EPS15L1: variants seen among roughly 807,000 people sequenced by gnomAD.
EPS15L1 encodes the protein epidermal growth factor receptor substrate 15-like 1.
EPS15L1 carries 43 observed loss-of-function variants against 117.1 expected under a neutral mutation model. The ratio of observed to expected loss-of-function variants is 0.37; its 90% CI spans 0.29 to 0.47. The LOEUF (loss-of-function observed/expected upper bound fraction) is 0.47, where lower values mean the gene tolerates loss of function less well. Ranked by LOEUF, EPS15L1 falls within the 20% of genes least tolerant of loss-of-function variation. EPS15L1 has a pLI of 0.99. For missense variants in EPS15L1, 981 were observed against 1,164.0 expected (o/e 0.84, Z 2.29); for synonymous variants, 459 against 470.5 (o/e 0.98, Z 0.32).
In EPS15L1 at chr19:16,421,420, G is replaced by A. The variant is rs764613797; in HGVS notation, c.849C>T (p.Phe283=). The change falls in exon 10 of 24, where the codon TTC becomes TTT. Residue 283 remains phenylalanine (F), a synonymous_variant. Coordinates refer to ENST00000455140, the MANE Select transcript of EPS15L1 (RefSeq NM_001258374.3). ...VADKMRFDEI[F]LKTDLDLDGY... ...CATCCAGGTCCAGGTCGGTCTTCAG[G>A]AATATCTCATCAAATCGCATCTTGT... 11 of 1,614,100 alleles carry A rather than the reference G, an allele frequency of 6.8e-6. No individual in the cohort carries two copies. In the East Asian group the frequency reaches 2.5e-4, roughly 36 times the overall value.
intron 22 of EPS15L1, among the ~76,000 whole-genome samples, chr19:16,369,725 T>C (rs966596503): frequency 1.5e-5 from 2 of 132,562 alleles, no homozygotes; most frequent in South Asian, 4.6e-4. Context: ...GGGTATGTGA[T>C]TTGGAAATGA....
At chr19:16,444,838 T>C (rs2145094465) in intron 1 of EPS15L1, among the ~76,000 whole-genome samples, 1 of 151,618 alleles carries the variant, frequency 6.6e-6, no homozygotes. Flanking sequence ...GCCATTCTCC[T>C]ACCTCAGCCT....
Position 16,404,137 on chromosome 19 carries a change from CTG to C in EPS15L1, c.1429-209_1429-208del, listed in dbSNP as rs528256806. ...TGAAAAGGCAGATGGGCTCATCCCA[CTG>C]TGGCTAACGGAAGATCACTTTGGAA... On this transcript the variant is annotated intron_variant, in intron 14 of 23. Coordinates refer to ENST00000455140, the MANE Select transcript of EPS15L1 (RefSeq NM_001258374.3). This position sits in a 1 kb window ranked among gnomAD's most constrained non-coding sequence, Gnocchi z 4.2. 3.6e-4 allele frequency among the ~76,000 whole-genome samples: 55 copies of C among 152,304 alleles called. No homozygotes were observed. In the South Asian group the frequency reaches 3.9e-3, roughly 11 times the overall value.
chr19:16,429,774 G>A (rs533181244), intron 7 of EPS15L1, among the ~76,000 whole-genome samples: 5 of 152,218 alleles, frequency 3.3e-5, no homozygotes, highest in Non-Finnish European at 4.4e-5. Flanking sequence ...CAGACTCCAC[G>A]GGGACCTCCA....
intron 9 of EPS15L1, among the ~76,000 whole-genome samples, chr19:16,424,539 G>T (rs925936274): frequency 6.6e-6 from 1 of 151,924 alleles, no homozygotes; most frequent in Non-Finnish European, 1.5e-5. Flanking sequence ...GGCTGGGCAC[G>T]GTGGCTCACA....
intron 7 of EPS15L1, among the ~76,000 whole-genome samples, chr19:16,431,248 AC>A (rs1179812775): frequency 6.6e-6 from 1 of 150,408 alleles, no homozygotes; most frequent in African/African-American, 2.4e-5. Flanking sequence ...AAAAAAAAAA[AC>A]TTTTTTTTAA....
Position 16,433,121 on chromosome 19 carries a change from T to G in EPS15L1, c.498+1244A>C, listed in dbSNP as rs187552327. 8.5e-4 allele frequency among the ~76,000 whole-genome samples: 127 copies of G among 149,850 alleles called. 1 individual carries two copies. The highest frequency in any genetic ancestry group is 2.5e-3 in the African/African-American group (103 of 40,646). Reference sequence around the variant, plus strand: ...CCGCCACACCAGCCTAAATTGAGGGTTTTTTTTGTTTTTGTTTTTGTTTTG... The same window carrying G: ...CCGCCACACCAGCCTAAATTGAGGGGTTTTTTTGTTTTTGTTTTTGTTTTG... On this transcript the variant is annotated intron_variant, in intron 7 of 23. Coordinates refer to ENST00000455140, the MANE Select transcript of EPS15L1 (RefSeq NM_001258374.3).
chr19:16,417,895 C>T, intron 11 of EPS15L1, 53 bp downstream of exon 11: 1 of 1,571,798 alleles, frequency 6.4e-7, no homozygotes. Flanking sequence ...CACCTGGTGG[C>T]AGGCGGTGGG....
intron 12 of EPS15L1, among the ~76,000 whole-genome samples, chr19:16,415,806 C>A (rs924384651): frequency 6.6e-6 from 1 of 152,218 alleles, no homozygotes; most frequent in African/African-American, 2.4e-5. Context: ...CTTCCTAGAC[C>A]CTGACCCTTG....
chr19:16,393,881 C>T (rs1426805760), intron 18 of EPS15L1, 70 bp downstream of exon 18: 2 of 1,490,086 alleles, frequency 1.3e-6, no homozygotes, highest in African/African-American at 1.4e-5. Flanking sequence ...ACACAAGTCC[C>T]ACCACATGCG....
intron 12 of EPS15L1, among the ~76,000 whole-genome samples, chr19:16,414,531 G>A (rs1161766851): frequency 4.0e-5 from 6 of 151,734 alleles, no homozygotes; most frequent in Admixed American, 2.6e-4. Flanking sequence ...CTCCCTAGTA[G>A]CTGGGACTAC....
intron 1 of EPS15L1, among the ~76,000 whole-genome samples, chr19:16,450,477 C>CTTTTTTT (rs768287701): frequency 4.6e-5 from 5 of 108,194 alleles, no homozygotes; most frequent in Admixed American, 1.0e-4. Flanking sequence ...TGTCCATCTT[C>CTTTTTTT]TTTTTTTTTT....
chr19:16,423,659 T>C (rs1311015440), intron 9 of EPS15L1, among the ~76,000 whole-genome samples: 3 of 152,200 alleles, frequency 2.0e-5, no homozygotes, highest in Non-Finnish European at 4.4e-5. Flanking sequence ...CTTGTGGCAT[T>C]GTACTGTGTA....
At chr19:16,438,591 G>C (rs1047993855) in intron 4 of EPS15L1, among the ~76,000 whole-genome samples, 14 of 152,088 alleles carry the variant, frequency 9.2e-5, no homozygotes, top group African/African-American at 3.4e-4. Flanking sequence ...GTGCAGTGGC[G>C]CAATCACAGC....
intron 19 of EPS15L1, 109 bp from the exon 20 acceptor site, chr19:16,386,340 G>C: frequency 1.2e-6 from 1 of 832,294 alleles, no homozygotes; most frequent in Non-Finnish European, 2.0e-6. Flanking sequence ...TGCTGAGCCA[G>C]AGGGAAAGTG....
At chr19:16,461,755 G>A (rs1213398358) in intron 1 of EPS15L1, among the ~76,000 whole-genome samples, 4 of 152,234 alleles carry the variant, frequency 2.6e-5, no homozygotes, top group Non-Finnish European at 5.9e-5. Context: ...AGGTGAGGAG[G>A]TAGCAGGGCC....
intron 1 of EPS15L1, among the ~76,000 whole-genome samples, chr19:16,455,391 G>A (rs2093185424): frequency 6.6e-6 from 1 of 152,254 alleles, no homozygotes; most frequent in Non-Finnish European, 1.5e-5. Flanking sequence ...CTCCCAAAGT[G>A]CTGGGATTAC....
At position 16,402,488 on chromosome 19, in the gene EPS15L1, G is replaced by A. The variant is rs1298404342; in HGVS notation, c.1627-3C>T. The A allele has an allele frequency of 3.2e-6, 5 of 1,586,572 alleles. No individual in the cohort carries two copies. The highest frequency in any genetic ancestry group is 4.3e-6 in the Non-Finnish European group (5 of 1,167,416). On this transcript the variant is annotated splice_polypyrimidine_tract_variant and splice_region_variant and intron_variant, in intron 15 of 23. Transcript: ENST00000455140. ...AGCTGGGAAAGTTTGCTCCTTGCCT[G>A]TGCAACAAAGACATCATCAGCATTA...
chr19:16,389,297 A>G (rs1452731984), intron 19 of EPS15L1, among the ~76,000 whole-genome samples: 1 of 152,060 alleles, frequency 6.6e-6, no homozygotes. Flanking sequence ...TCTACAAAAA[A>G]TAAAACAATA....
Sources: allele counts gnomAD v4.1 joint callset (sites outside exome capture counted in the v4.1 genomes callset), GRCh38; gene constraint gnomAD v4.1.1; non-coding constraint Gnocchi (gnomAD v3.1); transcripts MANE v1.5; gene names NCBI Gene and HGNC (gene_info 2026-07-23, HGNC 2026-07-21).